The following DYNC1I2 variants were observed in gnomAD, a reference collection of about 807,000 sequenced individuals.
DYNC1I2 encodes the protein dynein cytoplasmic 1 intermediate chain 2, also known as cytoplasmic dynein 1 intermediate chain 2.
Under a neutral mutation model 88.6 loss-of-function variants are expected in DYNC1I2, and 53 were observed. The ratio of observed to expected loss-of-function variants is 0.60; its 90% CI spans 0.48 to 0.75. DYNC1I2 has a LOEUF of 0.75. DYNC1I2 is among the 30% of genes least tolerant of loss of function. The pLI, the probability that DYNC1I2 is intolerant of heterozygous loss-of-function variation, is 0.00. For missense variants in DYNC1I2, 458 were observed against 766.6 expected, an observed-to-expected ratio of 0.60 and a Z score of 4.75; for synonymous variants, 198 against 254.6, an observed-to-expected ratio of 0.78 and a Z score of 2.12.
intron 7 of DYNC1I2, among the ~76,000 whole-genome samples, chr2:171,719,292 A>G (rs992932899): frequency 1.3e-5 from 2 of 152,178 alleles, no homozygotes; most frequent in Non-Finnish European, 2.9e-5. Context: ...TGTTTTCTAT[A>G]TCATTACAGT....
At chr2:171,747,064 C>A (rs1429220231) in intron 17 of DYNC1I2, among the ~76,000 whole-genome samples, 1 of 151,442 alleles carries the variant, frequency 6.6e-6, no homozygotes, top group African/African-American at 2.4e-5. Flanking sequence ...CATGGTGGCA[C>A]ATACCTGTAA....
intron 12 of DYNC1I2, 106 bp downstream of exon 12, chr2:171,728,073 G>T: frequency 7.5e-7 from 1 of 1,328,104 alleles, no homozygotes; most frequent in Non-Finnish European, 1.0e-6. Context: ...TTCCTTTGGT[G>T]TATGAATTCC....
chr2:171,703,922 A>T (rs1286662416), intron 3 of DYNC1I2, among the ~76,000 whole-genome samples: 2 of 152,174 alleles, frequency 1.3e-5, no homozygotes, highest in East Asian at 3.8e-4. Context: ...TCCATTTCAC[A>T]GTCTTCTACC....
chr2:171,731,572 A>G (rs1174999098), intron 15 of DYNC1I2, among the ~76,000 whole-genome samples: 2 of 152,174 alleles, frequency 1.3e-5, no homozygotes, highest in Admixed American at 6.5e-5. Flanking sequence ...GGGTAACACA[A>G]GGAGACCCCA....
chr2:171,704,284 A>G (rs1483921398), intron 3 of DYNC1I2, among the ~76,000 whole-genome samples: 1 of 150,686 alleles, frequency 6.6e-6, no homozygotes, highest in Non-Finnish European at 1.5e-5. Context: ...TTAAAGAAGT[A>G]CAGTCTTTCT....
intron 7 of DYNC1I2, among the ~76,000 whole-genome samples, chr2:171,715,753 C>A (rs1037823441): frequency 1.3e-5 from 2 of 152,094 alleles, no homozygotes; most frequent in African/African-American, 4.8e-5. Context: ...AGCCAAAAAG[C>A]TTAAGAATTT....
intron 17 of DYNC1I2, among the ~76,000 whole-genome samples, chr2:171,746,383 C>A (rs1339333598): frequency 6.6e-6 from 1 of 152,176 alleles, no homozygotes; most frequent in Non-Finnish European, 1.5e-5. Context: ...TGATGCAAAG[C>A]CACAGTAATG....
At chr2:171,712,138 G>A (rs1687166195) in intron 5 of DYNC1I2, among the ~76,000 whole-genome samples, 1 of 152,134 alleles carries the variant, frequency 6.6e-6, no homozygotes, top group South Asian at 2.1e-4. Context: ...GAAATCTTTA[G>A]TTGTTTTCTT....
chr2:171,712,592 A>G, intron 5 of DYNC1I2, 175 bp from the exon 6 acceptor site: 1 of 560,874 alleles, frequency 1.8e-6, no homozygotes, highest in Middle Eastern at 3.8e-4. Flanking sequence ...TAGATGATTG[A>G]GTGACCTGGT....
intron 15 of DYNC1I2, among the ~76,000 whole-genome samples, chr2:171,730,478 C>T (rs1688532320): frequency 6.6e-6 from 1 of 152,104 alleles, no homozygotes; most frequent in African/African-American, 2.4e-5. Flanking sequence ...ATTCTTGATC[C>T]TCCAGCAATT....
chr2:171,746,929 C>T (rs1024646582), intron 17 of DYNC1I2, among the ~76,000 whole-genome samples: 1 of 151,960 alleles, frequency 6.6e-6, no homozygotes, highest in Non-Finnish European at 1.5e-5. Context: ...CGCAGTGGCT[C>T]ACACCTGTAA....
chr2:171,742,933 C>G (rs1689544864), intron 15 of DYNC1I2, among the ~76,000 whole-genome samples: 1 of 152,166 alleles, frequency 6.6e-6, no homozygotes, highest in Non-Finnish European at 1.5e-5. Flanking sequence ...ACCATGAGAA[C>G]TTACTTATAC....
chr2:171,726,894 C>T lies in DYNC1I2; in HGVS notation c.974C>T (p.Pro325Leu). Residue 325 changes from proline to leucine, a missense_variant, in exon 11 of 18, where the codon CCA becomes CTA. Physicochemically the swap from Pro to Leu is moderately conservative, Grantham distance 98. Coordinates refer to ENST00000397119, the MANE Select transcript of DYNC1I2 (RefSeq NM_001378.3). ...AATATGAAATACAAAAAAACTACCC[C>T]AGAGTATGTGTTTCACTGCCAGGTA... ...VWNMKYKKTT[P>L]EYVFHCQSAV... 2 of 1,610,370 alleles carry T rather than the reference C, an allele frequency of 1.2e-6. No homozygotes were observed. Among genetic ancestry groups the T allele is most frequent in the Non-Finnish European group, 1.7e-6 (2 of 1,178,200 alleles).
chr2:171,739,118 AAAG>A (rs1689222501), intron 15 of DYNC1I2, among the ~76,000 whole-genome samples: 2 of 151,844 alleles, frequency 1.3e-5, no homozygotes, highest in Admixed American at 6.6e-5. Context: ...AAAAAAAAAA[AAAG>A]AAAACCACCT....
At chr2:171,734,205 G>T (rs983348509) in intron 15 of DYNC1I2, among the ~76,000 whole-genome samples, 1 of 152,052 alleles carries the variant, frequency 6.6e-6, no homozygotes, top group African/African-American at 2.4e-5. Context: ...CTCTCAGGGT[G>T]TCAGTTTGCC....
At position 171,745,794 on chromosome 2, in the gene DYNC1I2, G is replaced by A. The variant is rs1430426441; in HGVS notation, c.1678-8G>A. ...TTTAACACTGTCCTTTATTTTAAAT[G>A]ACTTTAGGTACCAACTGCCAGCATT... On this transcript the variant is annotated splice_polypyrimidine_tract_variant and splice_region_variant and intron_variant, in intron 16 of 17. Coordinates refer to ENST00000397119, the MANE Select transcript of DYNC1I2 (RefSeq NM_001378.3). 30 of 1,611,666 alleles carry A rather than the reference G, an allele frequency of 1.9e-5. No homozygotes were observed. The highest frequency in any genetic ancestry group is 2.7e-5 in the African/African-American group (2 of 74,870).
In DYNC1I2 at chr2:171,718,024, G is replaced by A. The variant is rs928413496; in HGVS notation, c.511+2581G>A. 8.3e-5 allele frequency among the ~76,000 whole-genome samples: 12 copies of A among 144,146 alleles called. No homozygotes were observed. The East Asian group carries it at 1.5e-3, about 17-fold the overall frequency. 94.6% of individuals were successfully genotyped at this position (144,146 alleles called of 152,430 possible). On this transcript the variant is annotated intron_variant, in intron 7 of 17. Transcript: ENST00000397119. Reference sequence around the variant, plus strand: ...CAGGCTGGAGTGCAGTGGTGCCATCGTAGCTCACTGCAACCTCCACCTCCC... The same window carrying A: ...CAGGCTGGAGTGCAGTGGTGCCATCATAGCTCACTGCAACCTCCACCTCCC...
intron 11 of DYNC1I2, 21 bp from the exon 12 acceptor site, chr2:171,727,800 A>G: frequency 6.2e-7 from 1 of 1,604,792 alleles, no homozygotes; most frequent in Non-Finnish European, 8.5e-7. Context: ...TCTCAAGTAT[A>G]AAAATCTTAC....
intron 7 of DYNC1I2, among the ~76,000 whole-genome samples, chr2:171,724,841 A>T (rs1688131295): frequency 6.6e-6 from 1 of 152,224 alleles, no homozygotes; most frequent in Admixed American, 6.5e-5. Context: ...ATAACATTTT[A>T]AAATAAATGA....
Sources: allele counts gnomAD v4.1 joint callset (sites outside exome capture counted in the v4.1 genomes callset), GRCh38; gene constraint gnomAD v4.1.1; transcripts MANE v1.5; gene names NCBI Gene and HGNC (gene_info 2026-07-23, HGNC 2026-07-21).